The following MEI1 variants were observed in gnomAD, a reference collection of about 807,000 sequenced individuals.
MEI1 encodes meiosis inhibitor protein 1.
Under a neutral mutation model 146.2 loss-of-function variants are expected in MEI1, and 103 were observed. That is an observed-to-expected ratio of 0.70 (90% CI 0.60 to 0.83). The LOEUF is 0.83. Ranked by LOEUF, MEI1 falls within the 40% of genes least tolerant of loss-of-function variation. MEI1 has a pLI of 0.00. For missense variants in MEI1, 1,529 were observed against 1,533.0 expected, an observed-to-expected ratio of 1.00 and a Z score of 0.04; for synonymous variants, 652 against 628.2, an observed-to-expected ratio of 1.04 and a Z score of -0.57.
At chr22:41,708,285 A>G (rs535337629) in intron 3 of MEI1, among the ~76,000 whole-genome samples, 1 of 152,336 alleles carries the variant, frequency 6.6e-6, no homozygotes, top group East Asian at 1.9e-4. Flanking sequence ...GTTAATATTT[A>G]TAATTTCCTT....
intron 26 of MEI1, among the ~76,000 whole-genome samples, chr22:41,789,759 C>CT (rs1167797490): frequency 6.6e-6 from 1 of 152,174 alleles, no homozygotes; most frequent in African/African-American, 2.4e-5. Context: ...TTTTGACTGT[C>CT]TGTCCTCAAC....
At chr22:41,732,424 A>G (rs765569484) in intron 10 of MEI1, 45 bp from the exon 11 acceptor site, 31 of 1,613,524 alleles carry the variant, frequency 1.9e-5, no homozygotes, top group Non-Finnish European at 2.6e-5. Context: ...TGGTGGGGTC[A>G]GTGAGAAGAG....
At chr22:41,796,609 T>C (rs2076368095) in intron 30 of MEI1, among the ~76,000 whole-genome samples, 1 of 152,344 alleles carries the variant, frequency 6.6e-6, no homozygotes, top group East Asian at 1.9e-4. Flanking sequence ...TCTGAAACTT[T>C]TTGAGTGCTG....
intron 19 of MEI1, among the ~76,000 whole-genome samples, chr22:41,767,215 A>G (rs1266269456): frequency 6.6e-6 from 1 of 152,176 alleles, no homozygotes; most frequent in African/African-American, 2.4e-5. Flanking sequence ...CTTTATGAAA[A>G]GGCTTCCTTG....
At position 41,716,087 on chromosome 22, in the gene MEI1, T is replaced by G; in HGVS notation, c.470T>G (p.Leu157Arg). 3.7e-6 allele frequency: 6 copies of G among 1,612,102 alleles called. No homozygotes were observed. The highest frequency in any genetic ancestry group is 5.1e-6 in the Non-Finnish European group (6 of 1,179,186). The change falls in exon 5 of 31, where the codon CTT becomes CGT. Residue 157 changes from leucine to arginine, a missense_variant. Around this residue, in one of 3 missense-constraint regions of MEI1, gnomAD observed 1,212 missense variants for 1,178.9 expected, o/e 1.03. Coordinates refer to ENST00000401548, the MANE Select transcript of MEI1 (RefSeq NM_152513.4). The stretch of plus-strand genomic sequence containing the variant: ...CGAGGCAGCCTGGCCACCCTGACCC[T>G]TCTTGGCAAGTTGGTGGATGCCATC... ...SMRGSLATLT[L>R]LGKLVDAIPA...
At chr22:41,763,034 CTGTT>C (rs1411644454) in intron 18 of MEI1, 136 bp from the exon 19 acceptor site, 2 of 814,154 alleles carry the variant, frequency 2.5e-6, no homozygotes, top group Non-Finnish European at 3.8e-6. Flanking sequence ...GTATAGCACA[CTGTT>C]TGTCTAAGAT....
At chr22:41,709,453 C>T (rs1448784425) in intron 3 of MEI1, 3 of 671,508 alleles carry the variant, frequency 4.5e-6, no homozygotes, top group African/African-American at 1.8e-5. Context: ...GGCTTTATCT[C>T]CTTTAGCATC....
intron 11 of MEI1, among the ~76,000 whole-genome samples, chr22:41,738,698 G>C (rs1029820958): frequency 6.6e-6 from 1 of 151,650 alleles, no homozygotes; most frequent in Non-Finnish European, 1.5e-5. Context: ...CTTGAACCAG[G>C]GAGTTGGAGG....
At chr22:41,716,790 C>T (rs144669252) in intron 5 of MEI1, among the ~76,000 whole-genome samples, 1,794 of 149,562 alleles carry the variant, frequency 0.012, 41 homozygotes, top group African/African-American at 0.042. Context: ...CCCGGGTTCA[C>T]GCCATTCTAC....
Position 41,758,432 on chromosome 22 carries a change from C to A in MEI1, c.2019C>A (p.Ser673Arg). Reference sequence around the variant, plus strand: ...AGATAAGCAGCAGGAGCCCTGAAAGCCTTGCCTTCCTGTCTGATCGCCAGT... The same window carrying A: ...AGATAAGCAGCAGGAGCCCTGAAAGACTTGCCTTCCTGTCTGATCGCCAGT... ...LPQISSRSPE[S>R]LAFLSDRQYM... The change falls in exon 18 of 31, where the codon AGC (serine) becomes AGA (arginine). Residue 673 changes from serine (S) to arginine (R), a missense_variant. Physicochemically the swap from Ser to Arg is moderately radical, Grantham distance 110. Coordinates refer to ENST00000401548, the MANE Select transcript of MEI1 (RefSeq NM_152513.4). The A allele has an allele frequency of 6.2e-7, 1 of 1,613,956 alleles. No individual in the cohort carries two copies. Among genetic ancestry groups the A allele is most frequent in the Non-Finnish European group, 8.5e-7 (1 of 1,179,878 alleles).
chr22:41,792,563 G>C (rs952528986), intron 26 of MEI1, among the ~76,000 whole-genome samples: 3 of 152,118 alleles, frequency 2.0e-5, no homozygotes, highest in Non-Finnish European at 2.9e-5. Flanking sequence ...ACCATCCTGG[G>C]TCACATGGGG....
chr22:41,742,409 T>C (rs2072958001), intron 11 of MEI1, among the ~76,000 whole-genome samples: 1 of 152,208 alleles, frequency 6.6e-6, no homozygotes, highest in Non-Finnish European at 1.5e-5. Context: ...AGTGCTTCTT[T>C]TACCAGCAGG....
At position 41,755,243 on chromosome 22, in the gene MEI1, T is replaced by C. The variant is rs2074017147; in HGVS notation, c.1951+1197T>C. On this transcript the variant is annotated intron_variant, in intron 17 of 30. Transcript: ENST00000401548. ...ATTGTTTCATCATTCATTCAACAAA[T>C]ATACCTCTGTGGGTAAGACCTAGTT... 2.0e-5 allele frequency among the ~76,000 whole-genome samples: 3 copies of C among 152,182 alleles called. No individual in the cohort carries two copies. The South Asian group carries it at 6.2e-4, about 32-fold the overall frequency.
chr22:41,722,861 T>C (rs971929347), intron 6 of MEI1, among the ~76,000 whole-genome samples: 3 of 152,364 alleles, frequency 2.0e-5, no homozygotes, highest in Non-Finnish European at 4.4e-5. Flanking sequence ...AAGTATGTAT[T>C]ATTTGGAACA....
intron 7 of MEI1, among the ~76,000 whole-genome samples, chr22:41,725,366 C>T (rs528523402): frequency 6.6e-6 from 1 of 152,060 alleles, no homozygotes; most frequent in Non-Finnish European, 1.5e-5. Context: ...CCTGCCTCGG[C>T]CTCCCAAAAT....
intron 6 of MEI1, among the ~76,000 whole-genome samples, chr22:41,723,590 A>C (rs1427811180): frequency 6.6e-6 from 1 of 152,106 alleles, no homozygotes; most frequent in Non-Finnish European, 1.5e-5. Flanking sequence ...ATATTTTTTG[A>C]GTTCCTGCTA....
intron 17 of MEI1, among the ~76,000 whole-genome samples, chr22:41,756,255 C>G (rs540094948): frequency 2.4e-4 from 36 of 150,898 alleles, no homozygotes; most frequent in South Asian, 4.2e-4. Context: ...GTGTCTCAGC[C>G]TCACGAATAG....
intron 7 of MEI1, among the ~76,000 whole-genome samples, chr22:41,728,253 C>T (rs1434270252): frequency 6.6e-6 from 1 of 152,210 alleles, no homozygotes; most frequent in African/African-American, 2.4e-5. Context: ...GAGCCACTCT[C>T]TCAGTTCCGT....
chr22:41,713,191 G>T (rs2069762090), intron 3 of MEI1, among the ~76,000 whole-genome samples: 1 of 152,150 alleles, frequency 6.6e-6, no homozygotes, highest in African/African-American at 2.4e-5. Flanking sequence ...AATCAAAGAA[G>T]GCCAGGCATG....
Sources: gnomAD v4.1 joint callset for allele counts (sites outside exome capture counted in the v4.1 genomes callset) on GRCh38, gnomAD v4.1.1 for gene constraint, gnomAD v4.1.1 regional missense constraint, MANE v1.5 for transcripts, NCBI Gene and HGNC (gene_info 2026-07-23, HGNC 2026-07-21) for gene names.